The following HNF4A variants were observed in gnomAD, a reference collection of about 807,000 sequenced individuals.
The protein encoded by HNF4A is hepatocyte nuclear factor 4-alpha.
In HNF4A, 15 loss-of-function variants were observed where a neutral mutation model predicts 52.4. The observed-to-expected ratio is 0.29, with a 90% CI of 0.19 to 0.44. The LOEUF (loss-of-function observed/expected upper bound fraction) is 0.44, where lower values mean the gene tolerates loss of function less well. Ranked by LOEUF, HNF4A falls within the 20% of genes least tolerant of loss-of-function variation. HNF4A has a pLI of 1.00. For synonymous variants in HNF4A, 280 were observed against 264.4 expected (o/e 1.06, Z -0.57); for missense variants, 479 against 647.2 (o/e 0.74, Z 2.82).
At chr20:44,355,824 C>G in exon 1 of HNF4A, 1 of 1,613,724 alleles carries the variant, frequency 6.2e-7, no homozygotes, top group Non-Finnish European at 8.5e-7. Context: ...GTGAACGCGC[C>G]CCTCGGGGCT....
chr20:44,365,593 C>G (rs551850654), intron 1 of HNF4A, among the ~76,000 whole-genome samples: 2 of 152,262 alleles, frequency 1.3e-5, no homozygotes, highest in Admixed American at 1.3e-4. Context: ...TACATCAGTG[C>G]TCACTATACT....
At chr20:44,409,381 G>A (rs553827818) in intron 3 of HNF4A, among the ~76,000 whole-genome samples, 65 of 152,328 alleles carry the variant, frequency 4.3e-4, no homozygotes, top group African/African-American at 1.5e-3. Context: ...GAGAACTACA[G>A]TCTAAGGTTC....
chr20:44,433,358 GTTTTGTTTTGTTTTGTT>G (rs1416047579), downstream of HNF4A: 1 of 156,340 alleles, frequency 6.4e-6, no homozygotes, highest in African/African-American at 2.4e-5. Flanking sequence ...TGGTTTTTTT[GTTTTGTTTTGTTTTGTT>G]TTTTGTTTTT....
intron 1 of HNF4A, among the ~76,000 whole-genome samples, chr20:44,368,135 T>TATACAC (rs1491265841): frequency 2.4e-5 from 1 of 42,356 alleles, no homozygotes; most frequent in African/African-American, 1.0e-4. Flanking sequence ...TGTGTGTGTG[T>TATACAC]ATATACATAT....
chr20:44,405,558 G>A lies in HNF4A; in HGVS notation c.116-500G>A, dbSNP rs559120011. 3.9e-5 allele frequency among the ~76,000 whole-genome samples: 6 copies of A among 152,242 alleles called. No individual in the cohort carries two copies. The South Asian group carries it at 1.0e-3, about 26-fold the overall frequency. On this transcript the variant is annotated intron_variant, in intron 1 of 9. Transcript: ENST00000316099. ...GGGAGATGTGTCCAGACCCTCCTAG[G>A]AGGCCACATGAGTGTGACTGTTCTC...
At chr20:44,357,020 C>T (rs1214595905) in intron 1 of HNF4A, among the ~76,000 whole-genome samples, 2 of 152,114 alleles carry the variant, frequency 1.3e-5, no homozygotes, top group South Asian at 4.2e-4. Context: ...GCCCTTGATA[C>T]CACGTGCATT....
At chr20:44,390,513 A>G (rs1480049750) in intron 1 of HNF4A, 4 of 634,340 alleles carry the variant, frequency 6.3e-6, no homozygotes, top group Non-Finnish European at 1.1e-5. Context: ...CATTGTGACC[A>G]GTATTAAGGG....
intron 1 of HNF4A, among the ~76,000 whole-genome samples, chr20:44,365,735 C>T (rs951277695): frequency 2.0e-5 from 3 of 152,058 alleles, no homozygotes. Flanking sequence ...GGCCGGACGC[C>T]GTGGCTCATG....
At position 44,429,622 on chromosome 20, in the gene HNF4A, C is replaced by T. The variant is rs764131853; in HGVS notation, c.1382C>T (p.Ser461Phe). 6.2e-6 allele frequency: 10 copies of T among 1,614,124 alleles called. No individual in the cohort carries two copies. Among genetic ancestry groups the T allele is most frequent in the Non-Finnish European group, 6.8e-6 (8 of 1,180,032 alleles). ...GTCGCCACAATCGTCAAGCCCCTCT[C>T]TGCCATCCCCCAGCCGACCATCACC... is the stretch of plus-strand genomic sequence containing the variant. Residue 461 changes from serine (S) to phenylalanine (F), a missense_variant, in exon 10 of 10, where the codon TCT becomes TTT. Ser to Phe is a radical substitution (Grantham distance 155). Coordinates refer to ENST00000316099, the MANE Select transcript of HNF4A (RefSeq NM_000457.6).
chr20:44,389,558 G>A (rs1176047408), intron 1 of HNF4A: 1 of 152,230 alleles, frequency 6.6e-6, no homozygotes, highest in African/African-American at 2.4e-5. Flanking sequence ...GGTCTTCCCT[G>A]CTGCATCTCC....
Position 44,428,496 on chromosome 20 carries a change from A to G in HNF4A, c.1282+9A>G. The G allele has an allele frequency of 1.9e-6, 3 of 1,613,390 alleles. No individual in the cohort carries two copies. The highest frequency in any genetic ancestry group is 2.5e-6 in the Non-Finnish European group (3 of 1,179,734). On this transcript the variant is annotated intron_variant, in intron 9 of 9. Coordinates refer to ENST00000316099, the MANE Select transcript of HNF4A (RefSeq NM_000457.6). The stretch of plus-strand genomic sequence containing the variant: ...ACCCAGGGGACAGGCAGGTGGGCAA[A>G]CTCTGGGATTTTACCTTGCAAAGGG...
chr20:44,424,652 G>A, intron 8 of HNF4A: 1 of 1,344,362 alleles, frequency 7.4e-7, no homozygotes, highest in Non-Finnish European at 9.6e-7. Flanking sequence ...GAGTTTAACT[G>A]AAAAGGAATC....
intron 1 of HNF4A, among the ~76,000 whole-genome samples, chr20:44,405,528 G>A (rs949637521): frequency 6.6e-6 from 1 of 152,140 alleles, no homozygotes; most frequent in African/African-American, 2.4e-5. Context: ...TGGGATGGGA[G>A]GGATGGGAGA....
At chr20:44,419,622 C>T in intron 6 of HNF4A, 99 bp from the exon 7 acceptor site, 1 of 1,126,654 alleles carries the variant, frequency 8.9e-7, no homozygotes, top group Middle Eastern at 2.9e-4. Flanking sequence ...GTCCTCCTCC[C>T]ACAGGCACCA....
At chr20:44,356,168 G>C (rs555628711) in intron 1 of HNF4A, among the ~76,000 whole-genome samples, 2 of 152,310 alleles carry the variant, frequency 1.3e-5, no homozygotes, top group African/African-American at 4.8e-5. Flanking sequence ...GGTGGGGCTT[G>C]GAAGCACCGT....
intron 1 of HNF4A, among the ~76,000 whole-genome samples, chr20:44,404,968 A>G (rs1471210596): frequency 5.7e-4 from 5 of 8,704 alleles, no homozygotes; most frequent in African/African-American, 9.5e-4. Flanking sequence ...GTGTGTGTGG[A>G]CTGTGGTGTG....
intron 3 of HNF4A, among the ~76,000 whole-genome samples, chr20:44,408,778 C>T (rs2063539710): frequency 6.6e-6 from 1 of 152,106 alleles, no homozygotes; most frequent in South Asian, 2.1e-4. Context: ...TTTCCTGCTC[C>T]TCTAAACTCA....
intron 1 of HNF4A, among the ~76,000 whole-genome samples, chr20:44,381,122 A>C (rs2063147731): frequency 1.3e-5 from 2 of 152,178 alleles, no homozygotes; most frequent in Non-Finnish European, 2.9e-5. Context: ...TAATACTTCC[A>C]ATGACGGAAT....
chr20:44,381,044 C>CTGTGA (rs1555809223), intron 1 of HNF4A, among the ~76,000 whole-genome samples: 1 of 151,370 alleles, frequency 6.6e-6, no homozygotes, highest in Non-Finnish European at 1.5e-5. Flanking sequence ...GGTAGACGCT[C>CTGTGA]TTTGACCTCT....
Sources: gnomAD v4.1 joint callset for allele counts (sites outside exome capture counted in the v4.1 genomes callset) on GRCh38, gnomAD v4.1.1 for gene constraint, MANE v1.5 for transcripts, NCBI Gene and HGNC (gene_info 2026-07-23, HGNC 2026-07-21) for gene names.